GLIS3: variants seen among roughly 807,000 people sequenced by gnomAD.
The protein encoded by GLIS3 is zinc finger protein GLIS3.
In GLIS3, 53 loss-of-function variants were observed where a neutral mutation model predicts 78.6. That is an observed-to-expected ratio of 0.67 (90% CI 0.54 to 0.85). GLIS3 has a LOEUF of 0.85. Among genes scored for constraint, GLIS3 ranks in the 40% least tolerant of loss-of-function variants. The pLI, the probability that GLIS3 is intolerant of heterozygous loss-of-function variation, is 0.00. For synonymous variants in GLIS3, 684 were observed against 509.9 expected, an observed-to-expected ratio of 1.34 and a Z score of -4.60; for missense variants, 1,703 against 1,231.1, an observed-to-expected ratio of 1.38 and a Z score of -5.74.
At position 3,925,932 on chromosome 9, in the gene GLIS3, G is replaced by C. The variant is rs1387037135; in HGVS notation, c.1983+6428C>G. 2.0e-5 allele frequency among the ~76,000 whole-genome samples: 3 copies of C among 152,294 alleles called. No individual in the cohort carries two copies. In the East Asian group the frequency reaches 5.8e-4, roughly 29 times the overall value. The stretch of plus-strand genomic sequence containing the variant: ...ATACATCATGTTGCTTAGAGTTGCA[G>C]TTTCCAAGAACCTACTGAGGCCATT... On this transcript the variant is annotated intron_variant, in intron 6 of 10. Coordinates refer to ENST00000381971, the MANE Select transcript of GLIS3 (RefSeq NM_001042413.2).
the GLIS3 span, among the ~76,000 whole-genome samples, chr9:4,414,658 G>T: frequency 6.6e-6 from 1 of 151,988 alleles, no homozygotes; most frequent in East Asian, 1.9e-4. Flanking sequence ...CCAATCTGTA[G>T]TCAGGTTGCT....
chr9:4,207,277 C>A (rs755286303), intron 2 of GLIS3, among the ~76,000 whole-genome samples: 5 of 152,176 alleles, frequency 3.3e-5, no homozygotes, highest in Non-Finnish European at 7.3e-5. Context: ...GCCAGCCCCA[C>A]TAAACTTAAG....
At chr9:4,451,188 G>C in the GLIS3 span, among the ~76,000 whole-genome samples, 1 of 152,000 alleles carries the variant, frequency 6.6e-6, no homozygotes, top group African/African-American at 2.4e-5. Context: ...AAAAAAGCAG[G>C]GGTTGCAATC....
rs970359625 is a variant in GLIS3, at chr9:3,840,949, C to T, written c.2474-11457G>A. On this transcript the variant is annotated intron_variant, in intron 9 of 10. Transcript: ENST00000381971. ...GGCCCTTAGACTTATATACTCATTT[C>T]CAGGGACGAGGTAGCAGAGAAGGAG... Among the ~76,000 whole-genome samples, 3 of 152,108 alleles carry T rather than the reference C, an allele frequency of 2.0e-5. No individual in the cohort carries two copies. In the East Asian group the frequency reaches 5.8e-4, roughly 29 times the overall value.
intron 2 of GLIS3, among the ~76,000 whole-genome samples, chr9:4,136,794 A>G (rs1412888821): frequency 1.3e-5 from 2 of 152,182 alleles, no homozygotes; most frequent in Non-Finnish European, 2.9e-5. Flanking sequence ...GGTTGGTTCA[A>G]TCAGCCCTGA....
At chr9:4,173,053 C>A (rs1044154975) in intron 2 of GLIS3, among the ~76,000 whole-genome samples, 2 of 152,184 alleles carry the variant, frequency 1.3e-5, no homozygotes, top group African/African-American at 4.8e-5. Context: ...GAAAGCACAG[C>A]TGTGGGCCAC....
chr9:4,270,250 C>T (rs185651517), intron 2 of GLIS3, among the ~76,000 whole-genome samples: 32 of 152,328 alleles, frequency 2.1e-4, no homozygotes, highest in Non-Finnish European at 4.0e-4. Context: ...CCTTCCTGCT[C>T]CTATATTTTG....
chr9:4,440,305 T>C, the GLIS3 span, among the ~76,000 whole-genome samples: 2 of 152,350 alleles, frequency 1.3e-5, no homozygotes, highest in East Asian at 3.9e-4. Flanking sequence ...TGTTTTCTTA[T>C]AGTAGTTTCA....
chr9:4,040,269 C>T (rs1463784440), intron 4 of GLIS3, among the ~76,000 whole-genome samples: 1 of 144,264 alleles, frequency 6.9e-6, no homozygotes, highest in African/African-American at 2.6e-5. Flanking sequence ...AATTACAAAA[C>T]ATTTTACTTC....
At chr9:4,014,923 G>T (rs1042257262) in intron 4 of GLIS3, among the ~76,000 whole-genome samples, 1 of 152,146 alleles carries the variant, frequency 6.6e-6, no homozygotes, top group African/African-American at 2.4e-5. Context: ...AGCTCTTTCT[G>T]AGGTCACTGC....
At chr9:4,180,569 T>C (rs1817223891) in intron 2 of GLIS3, among the ~76,000 whole-genome samples, 1 of 152,208 alleles carries the variant, frequency 6.6e-6, no homozygotes, top group Non-Finnish European at 1.5e-5. Flanking sequence ...ATCAGAAATA[T>C]TTAGTTTCTG....
chr9:4,116,946 G>C (rs918411712), intron 4 of GLIS3, among the ~76,000 whole-genome samples: 5 of 152,040 alleles, frequency 3.3e-5, no homozygotes, highest in African/African-American at 1.2e-4. Context: ...AAACCCTGAG[G>C]GTTTCTGTGA....
intron 4 of GLIS3, among the ~76,000 whole-genome samples, chr9:4,308,047 CT>C (rs1330946799): frequency 6.6e-6 from 1 of 152,168 alleles, no homozygotes; most frequent in Non-Finnish European, 1.5e-5. Flanking sequence ...GCTCTGGGCT[CT>C]CACAGAACAC....
At chr9:3,902,178 C>T (rs1402025396) in intron 6 of GLIS3, among the ~76,000 whole-genome samples, 1 of 152,176 alleles carries the variant, frequency 6.6e-6, no homozygotes, top group Admixed American at 6.5e-5. Context: ...ATTTGGTTTT[C>T]TCTGGGATTA....
the GLIS3 span, among the ~76,000 whole-genome samples, chr9:4,445,368 T>A: frequency 6.6e-6 from 1 of 152,184 alleles, no homozygotes; most frequent in Non-Finnish European, 1.5e-5. Context: ...GGTTCACGCC[T>A]ATAATCCCAG....
At chr9:4,377,255 G>T in the GLIS3 span, among the ~76,000 whole-genome samples, 1 of 135,420 alleles carries the variant, frequency 7.4e-6, no homozygotes, top group Non-Finnish European at 1.7e-5. Flanking sequence ...CAGCGCATCT[G>T]GAACAAAGCA....
At chr9:4,313,973 A>T (rs923906951) in intron 2 of GLIS3, among the ~76,000 whole-genome samples, 12 of 152,240 alleles carry the variant, frequency 7.9e-5, no homozygotes, top group Non-Finnish European at 4.4e-5. Flanking sequence ...GTCACTGACA[A>T]AATCAATAAA....
intron 2 of GLIS3, among the ~76,000 whole-genome samples, chr9:4,193,415 G>C (rs1818510079): frequency 6.6e-6 from 1 of 152,202 alleles, no homozygotes; most frequent in African/African-American, 2.4e-5. Context: ...GGCCTAAGAA[G>C]TCTATAATTT....
chr9:3,991,757 C>T (rs1820290179), intron 4 of GLIS3, among the ~76,000 whole-genome samples: 1 of 130,852 alleles, frequency 7.6e-6, no homozygotes, highest in East Asian at 2.4e-4. Context: ...GTGGTGGGAT[C>T]TCGGCTCACT....
Sources: gnomAD v4.1 joint callset for allele counts (sites outside exome capture counted in the v4.1 genomes callset) on GRCh38, gnomAD v4.1.1 for gene constraint, MANE v1.5 for transcripts, NCBI Gene and HGNC (gene_info 2026-07-23, HGNC 2026-07-21) for gene names.